Variants in ZFHX3 observed in about 807,000 individuals in gnomAD.
ZFHX3 encodes the protein zinc finger homeobox 3.
In ZFHX3, 42 loss-of-function variants were observed where a neutral mutation model predicts 279.1. That is an observed-to-expected ratio of 0.15 (90% CI 0.12 to 0.19). The LOEUF (loss-of-function observed/expected upper bound fraction) is 0.19, where lower values mean the gene tolerates loss of function less well. ZFHX3 is among the 10% of genes least tolerant of loss of function. ZFHX3 has a pLI of 1.00. For synonymous variants in ZFHX3, 2,293 were observed against 1,957.8 expected (o/e 1.17, Z -4.52); for missense variants, 4,981 against 4,754.0 (o/e 1.05, Z -1.40).
At chr16:73,263,861 T>A (rs2013892247) in intron 4 of ZFHX3, among the ~76,000 whole-genome samples, 1 of 152,040 alleles carries the variant, frequency 6.6e-6, no homozygotes, top group Admixed American at 6.5e-5. Context: ...GGAAAGAACA[T>A]CCTATAAAAA....
At chr16:73,130,783 T>G (rs972774155) in intron 7 of ZFHX3, among the ~76,000 whole-genome samples, 7 of 152,182 alleles carry the variant, frequency 4.6e-5, no homozygotes, top group African/African-American at 1.7e-4. Context: ...AATTTTTGTA[T>G]TTTTAGTAGA....
At chr16:73,850,415 G>T (rs1567430067) in intron 1 of ZFHX3, among the ~76,000 whole-genome samples, 1 of 152,116 alleles carries the variant, frequency 6.6e-6, no homozygotes, top group African/African-American at 2.4e-5. Context: ...AATCAAGATG[G>T]CTTCCTTCTG....
chr16:73,860,050 G>T (rs1176391029), intron 1 of ZFHX3, among the ~76,000 whole-genome samples: 1 of 152,166 alleles, frequency 6.6e-6, no homozygotes, highest in African/African-American at 2.4e-5. Flanking sequence ...TTTCACTTTT[G>T]TTTAAAGATA....
intron 2 of ZFHX3, among the ~76,000 whole-genome samples, chr16:73,557,041 G>T (rs2020295812): frequency 7.2e-6 from 1 of 138,100 alleles, no homozygotes; most frequent in African/African-American, 2.7e-5. Context: ...CTTGCAGTGA[G>T]CCGAGATCAG....
At chr16:73,176,870 T>G (rs1286429855) in intron 5 of ZFHX3, among the ~76,000 whole-genome samples, 1 of 152,028 alleles carries the variant, frequency 6.6e-6, no homozygotes, top group Non-Finnish European at 1.5e-5. Flanking sequence ...TCAGAGCAAT[T>G]TTTTTCATCC....
intron 1 of ZFHX3, among the ~76,000 whole-genome samples, chr16:73,814,884 T>G (rs1316352010): frequency 6.6e-6 from 1 of 152,066 alleles, no homozygotes; most frequent in African/African-American, 2.4e-5. Context: ...CACAACTTCT[T>G]AAAAGTAAAG....
chr16:73,586,655 G>C (rs2051930161), intron 2 of ZFHX3, among the ~76,000 whole-genome samples: 1 of 152,106 alleles, frequency 6.6e-6, no homozygotes, highest in Non-Finnish European at 1.5e-5. Context: ...ATTACCAGGA[G>C]AAACAAGCAA....
chr16:72,874,026 T>C (rs997386196), intron 4 of ZFHX3, among the ~76,000 whole-genome samples: 1 of 152,132 alleles, frequency 6.6e-6, no homozygotes, highest in Non-Finnish European at 1.5e-5. Context: ...CAAAACCTGT[T>C]GTCTGTTGTG....
At chr16:73,870,297 A>G (rs1475635757) in intron 1 of ZFHX3, among the ~76,000 whole-genome samples, 3 of 152,142 alleles carry the variant, frequency 2.0e-5, no homozygotes, top group Non-Finnish European at 4.4e-5. Flanking sequence ...ATTCCATCTC[A>G]ACTAGCAAGC....
chr16:73,662,019 T>TC (rs1213652157), intron 2 of ZFHX3, among the ~76,000 whole-genome samples: 1 of 151,610 alleles, frequency 6.6e-6, no homozygotes, highest in Non-Finnish European at 1.5e-5. Context: ...TTTTTTTTTT[T>TC]TAAGAAAGAA....
chr16:73,731,390 G>A (rs746202214), intron 1 of ZFHX3, among the ~76,000 whole-genome samples: 7 of 152,028 alleles, frequency 4.6e-5, no homozygotes, highest in Non-Finnish European at 8.8e-5. Context: ...TGGGGGAGGG[G>A]CGTGGAGGTA....
At position 73,019,343 on chromosome 16, in the gene ZFHX3, C is replaced by CATGTGT. The variant is rs1555542114; in HGVS notation, c.-50+28408_-50+28409insACACAT. 2.8e-3 allele frequency among the ~76,000 whole-genome samples: 415 copies of CATGTGT among 150,160 alleles called. 1 individual carries two copies. The highest frequency in any genetic ancestry group is 9.2e-3 in the African/African-American group (378 of 40,974). On this transcript the variant is annotated intron_variant, in intron 1 of 9. Coordinates refer to ENST00000268489, the MANE Select transcript of ZFHX3 (RefSeq NM_006885.4). Reference sequence around the variant, plus strand: ...CAGCGTGTGCGTGTGTGTGTCTGTGCGTGTGTGTGTGTGTGTGTGTGTGTG... The same window carrying CATGTGT: ...CAGCGTGTGCGTGTGTGTGTCTGTGCATGTGTGTGTGTGTGTGTGTGTGTGTGTGTG...
At chr16:73,196,955 C>A (rs1446734770) in intron 5 of ZFHX3, among the ~76,000 whole-genome samples, 1 of 152,134 alleles carries the variant, frequency 6.6e-6, no homozygotes, top group Non-Finnish European at 1.5e-5. Context: ...GACATGGTGA[C>A]CCCTAGTGTT....
chr16:73,867,239 T>C (rs1225001614), intron 1 of ZFHX3, among the ~76,000 whole-genome samples: 2 of 152,154 alleles, frequency 1.3e-5, no homozygotes, highest in African/African-American at 4.8e-5. Context: ...GCGTGAGCTA[T>C]CTCATGCAAT....
chr16:72,878,981 A>G (rs17679693), intron 4 of ZFHX3, among the ~76,000 whole-genome samples: 4,487 of 152,258 alleles, frequency 0.029, 113 homozygotes, highest in Middle Eastern at 0.075. Flanking sequence ...CCTCTGCTTT[A>G]TGCTCGTGCA....
chr16:73,696,037 GCTCAAACCCACTGGGGACT>G (rs1324502752), intron 1 of ZFHX3, among the ~76,000 whole-genome samples: 1 of 152,204 alleles, frequency 6.6e-6, no homozygotes, highest in Non-Finnish European at 1.5e-5. Flanking sequence ...GGAAATTGCA[GCTCAAACCCACTGGGGACT>G]CTGAGAGATG....
intron 3 of ZFHX3, among the ~76,000 whole-genome samples, chr16:73,355,422 C>T (rs767129126): frequency 9.9e-5 from 15 of 152,076 alleles, no homozygotes; most frequent in Non-Finnish European, 2.2e-4. Context: ...CCAAGGAGTT[C>T]CTCTCTCAAG....
intron 1 of ZFHX3, among the ~76,000 whole-genome samples, chr16:73,819,803 G>A (rs1218144483): frequency 6.6e-6 from 1 of 152,134 alleles, no homozygotes; most frequent in Non-Finnish European, 1.5e-5. Flanking sequence ...GTATAACTTA[G>A]TCCAATGGAC....
At chr16:73,658,826 T>C (rs544481582) in intron 2 of ZFHX3, among the ~76,000 whole-genome samples, 3 of 152,322 alleles carry the variant, frequency 2.0e-5, no homozygotes, top group African/African-American at 7.2e-5. Flanking sequence ...GTTCGAGATT[T>C]ATCTATTTGC....
Sources: allele counts gnomAD v4.1 joint callset (sites outside exome capture counted in the v4.1 genomes callset), GRCh38; gene constraint gnomAD v4.1.1; transcripts MANE v1.5; gene names NCBI Gene and HGNC (gene_info 2026-07-23, HGNC 2026-07-21).